MTUS2: variants seen among roughly 807,000 people sequenced by gnomAD.
MTUS2 encodes the protein microtubule associated scaffold protein 2.
A neutral mutation model predicts 114.1 loss-of-function variants in MTUS2; 40 were observed. The observed-to-expected ratio is 0.35, with a 90% CI of 0.27 to 0.46. The LOEUF (loss-of-function observed/expected upper bound fraction) is 0.46. Ranked by LOEUF, MTUS2 falls within the 20% of genes least tolerant of loss-of-function variation. The probability of loss-of-function intolerance (pLI) is 1.00; values close to 1 mark genes in which losing one functional copy is unlikely to be tolerated. For synonymous variants in MTUS2, 688 were observed against 672.0 expected (o/e 1.02, Z -0.37); for missense variants, 1,679 against 1,705.4 (o/e 0.98, Z 0.27).
chr13:29,359,292 G>A lies in MTUS2; in HGVS notation c.2936G>A (p.Arg979Gln), dbSNP rs777778899. The A allele has an allele frequency of 8.1e-6, 13 of 1,606,052 alleles. No individual in the cohort carries two copies. The East Asian group carries it at 1.1e-4, about 14-fold the overall frequency. The change falls in exon 8 of 16, where the codon CGA becomes CAA. Residue 979 changes from arginine to glutamine, a missense_variant. Around this residue, in one of 3 missense-constraint regions of MTUS2, gnomAD observed 822 missense variants for 899.7 expected, o/e 0.91. Coordinates refer to ENST00000612955, the MANE Select transcript of MTUS2 (RefSeq NM_001033602.4). ...CCAAAGCAGAGGACTGCGGCAGCTC[G>A]AAATGGGTTTCCGCCCAAGCCGGAC... ...GYPKQRTAAA[R>Q]NGFPPKPDPQ...
intron 6 of MTUS2, among the ~76,000 whole-genome samples, chr13:29,321,618 T>C (rs1566129343): frequency 2.0e-5 from 3 of 152,220 alleles, no homozygotes. Flanking sequence ...TCTGTCCTTA[T>C]CCTTTTATGG....
At chr13:29,474,329 A>T (rs908211742) in intron 9 of MTUS2, among the ~76,000 whole-genome samples, 2 of 152,196 alleles carry the variant, frequency 1.3e-5, no homozygotes, top group Non-Finnish European at 2.9e-5. Context: ...TATCACTGAC[A>T]TGGATAAAAC....
rs1440386912 is a variant in MTUS2 at position 29,024,975 on chromosome 13, G to A, written c.277G>A (p.Ala93Thr). 1 of 1,613,218 alleles carries A rather than the reference G, an allele frequency of 6.2e-7. No homozygotes were observed. The highest frequency in any genetic ancestry group is 8.5e-7 in the Non-Finnish European group (1 of 1,179,708). The change falls in exon 3 of 16, where the codon GCC (alanine) becomes ACC (threonine). Residue 93 changes from alanine (A) to threonine (T), a missense_variant. Physicochemically the swap from Ala to Thr is moderately conservative, Grantham distance 58. Coordinates refer to ENST00000612955, the MANE Select transcript of MTUS2 (RefSeq NM_001033602.4). ...TGGGAAAGGCTCTCAGGCTGGCTCT[G>A]CCAGCCTGAAAGATTTTAGACTTTC... Reference protein sequence around the residue: ...GFGKGSQAGSASLKDFRLSST... With the variant: ...GFGKGSQAGSTSLKDFRLSST...
At chr13:29,428,105 C>T (rs535676055) in intron 8 of MTUS2, among the ~76,000 whole-genome samples, 3 of 152,102 alleles carry the variant, frequency 2.0e-5, no homozygotes, top group South Asian at 4.1e-4. Context: ...CCTAGGCAAG[C>T]GACTTCACAG....
chr13:29,428,708 T>G lies in MTUS2; in HGVS notation c.3118-11275T>G. ...TTCCTGAAGTTTAGGAGAAATAAGG[T>G]AGCCAAGGGAACCACATGGAAGTTG... On this transcript the variant is annotated intron_variant, in intron 8 of 15. Coordinates refer to ENST00000612955, the MANE Select transcript of MTUS2 (RefSeq NM_001033602.4). The G allele has an allele frequency of 2.1e-6, 3 of 1,429,888 alleles. No individual in the cohort carries two copies. In the South Asian group the frequency reaches 4.1e-5, roughly 19 times the overall value. The allele number at this position is 1,429,888 out of a possible 1,614,324, so 88.6% of individuals were successfully genotyped here.
intron 2 of MTUS2, among the ~76,000 whole-genome samples, chr13:28,841,833 C>G (rs1268953420): frequency 6.6e-6 from 1 of 152,084 alleles, no homozygotes; most frequent in Non-Finnish European, 1.5e-5. Context: ...ATTACAGATG[C>G]GTGCCACCAC....
Position 29,100,852 on chromosome 13 carries a change from AC to A in MTUS2, c.2527del (p.Arg843ValfsTer51). On this transcript the variant is annotated frameshift_variant, in exon 5 of 16. Transcript: ENST00000612955. LOFTEE classifies it high-confidence loss of function. The part of the protein sequence containing the change: ...KSGLRPPGYS[R>X]LPAAKLAAFG... The stretch of plus-strand genomic sequence containing the variant: ...CTGGTCTCCGTCCTCCCGGATACTC[AC>A]GTCTCCCGGCAGCCAAACTGGCGGC... 6.4e-7 allele frequency: 1 copy of A among 1,552,664 alleles called. No individual in the cohort carries two copies.
chr13:29,232,192 G>A (rs1896350114), intron 5 of MTUS2, among the ~76,000 whole-genome samples: 1 of 151,976 alleles, frequency 6.6e-6, no homozygotes, highest in South Asian at 2.1e-4. Flanking sequence ...TCAGATTTTT[G>A]TAGGAAATTC....
At chr13:29,132,715 C>A (rs544262707) in intron 5 of MTUS2, among the ~76,000 whole-genome samples, 3 of 152,250 alleles carry the variant, frequency 2.0e-5, no homozygotes, top group African/African-American at 7.2e-5. Flanking sequence ...GAATAATATT[C>A]CTTTGTATGC....
At chr13:29,395,326 G>A (rs988091405) in intron 8 of MTUS2, among the ~76,000 whole-genome samples, 8 of 152,174 alleles carry the variant, frequency 5.3e-5, no homozygotes, top group South Asian at 2.1e-4. Flanking sequence ...TGCTGCTTTC[G>A]ACCAAGGTGT....
intron 9 of MTUS2, among the ~76,000 whole-genome samples, chr13:29,453,357 A>G (rs1341722080): frequency 6.6e-6 from 1 of 152,246 alleles, no homozygotes; most frequent in Admixed American, 6.5e-5. Flanking sequence ...AGGGATTAGC[A>G]CAATGAATGT....
At chr13:28,895,325 A>C (rs1879202237) in intron 2 of MTUS2, among the ~76,000 whole-genome samples, 1 of 152,140 alleles carries the variant, frequency 6.6e-6, no homozygotes, top group Non-Finnish European at 1.5e-5. Context: ...CATGGGTTTT[A>C]CTTGACTTGT....
Position 29,026,456 on chromosome 13 carries a change from A to G in MTUS2, c.1758A>G (p.Lys586=), listed in dbSNP as rs1200851547. The change falls in exon 3 of 16, where the codon AAA becomes AAG. Residue 586 remains lysine, a synonymous_variant. Coordinates refer to ENST00000612955, the MANE Select transcript of MTUS2 (RefSeq NM_001033602.4). ...DSARLLNTSP[K]VPDKNTCPSG... ...CACGCTTGTTGAACACGTCCCCCAAAGTGCCTGACAAGAACACTTGCCCCA... is the reference window on the plus strand; with the variant it reads ...CACGCTTGTTGAACACGTCCCCCAAGGTGCCTGACAAGAACACTTGCCCCA... 6.2e-7 allele frequency: 1 copy of G among 1,613,922 alleles called. No individual in the cohort carries two copies. The highest frequency in any genetic ancestry group is 8.5e-7 in the Non-Finnish European group (1 of 1,179,870).
intron 2 of MTUS2, among the ~76,000 whole-genome samples, chr13:29,000,971 A>C (rs1296494671): frequency 6.6e-6 from 1 of 152,166 alleles, no homozygotes; most frequent in Non-Finnish European, 1.5e-5. Flanking sequence ...TCCGCTGAAC[A>C]CTTGTCAGCA....
intron 8 of MTUS2, among the ~76,000 whole-genome samples, chr13:29,411,999 G>C (rs1260583544): frequency 2.0e-5 from 3 of 152,122 alleles, no homozygotes; most frequent in Non-Finnish European, 4.4e-5. Flanking sequence ...GTAGGGCTTT[G>C]TAGTTACATT....
intron 9 of MTUS2, among the ~76,000 whole-genome samples, chr13:29,447,078 A>C (rs1878336155): frequency 6.6e-6 from 1 of 152,166 alleles, no homozygotes; most frequent in Non-Finnish European, 1.5e-5. Context: ...TTTTTAAATT[A>C]GGGATGCTCA....
At chr13:29,163,718 G>A (rs1341861149) in intron 5 of MTUS2, among the ~76,000 whole-genome samples, 1 of 152,064 alleles carries the variant, frequency 6.6e-6, no homozygotes, top group East Asian at 1.9e-4. Context: ...GGTGGTCCAG[G>A]GCACTCCTGA....
At chr13:29,495,564 T>C (rs1219397872) in intron 12 of MTUS2, among the ~76,000 whole-genome samples, 1 of 152,006 alleles carries the variant, frequency 6.6e-6, no homozygotes, top group African/African-American at 2.4e-5. Flanking sequence ...TGATACCATT[T>C]CTCTTGCCAG....
In MTUS2 at chr13:29,384,835, T is replaced by C. The variant is rs571439732; in HGVS notation, c.3117+25362T>C. ...CCTAGCCTGTCTTAGTTTAAACTGC[T>C]TACCTTTAACAGTTATTTCTAGCTG... is the stretch of plus-strand genomic sequence containing the variant. On this transcript the variant is annotated intron_variant, in intron 8 of 15. Coordinates refer to ENST00000612955, the MANE Select transcript of MTUS2 (RefSeq NM_001033602.4). Among the ~76,000 whole-genome samples the C allele has an allele frequency of 3.9e-5, 6 of 152,342 alleles. No homozygotes were observed. The East Asian group carries it at 1.2e-3, about 29-fold the overall frequency.
Sources: allele counts gnomAD v4.1 joint callset (sites outside exome capture counted in the v4.1 genomes callset), GRCh38; gene constraint gnomAD v4.1.1; regional missense constraint gnomAD v4.1.1; transcripts MANE v1.5; gene names NCBI Gene and HGNC (gene_info 2026-07-23, HGNC 2026-07-21).